The following SLC43A1 variants were observed in gnomAD, a reference collection of about 807,000 sequenced individuals.
SLC43A1 encodes the protein large neutral amino acids transporter small subunit 3.
In SLC43A1, 31 loss-of-function variants were observed where a neutral mutation model predicts 59.5. The ratio of observed to expected loss-of-function variants is 0.52; its 90% CI spans 0.39 to 0.70. The LOEUF (loss-of-function observed/expected upper bound fraction) is 0.70, where lower values mean the gene tolerates loss of function less well. Ranked by LOEUF, SLC43A1 falls within the 30% of genes least tolerant of loss-of-function variation. The probability of loss-of-function intolerance (pLI) is 0.00; values close to 1 mark genes in which losing one functional copy is unlikely to be tolerated. For synonymous variants in SLC43A1, 259 were observed against 290.9 expected (o/e 0.89, Z 1.12); for missense variants, 598 against 717.8 (o/e 0.83, Z 1.91).
At chr11:57,487,023 C>T (rs1490660154) in intron 14 of SLC43A1, 72 bp downstream of exon 14, 5 of 1,526,312 alleles carry the variant, frequency 3.3e-6, no homozygotes, top group Non-Finnish European at 4.5e-6. Context: ...AGGGATGGCA[C>T]CACATACAAG....
chr11:57,494,282 T>A, intron 7 of SLC43A1, 111 bp from the exon 8 acceptor site: 2 of 974,296 alleles, frequency 2.1e-6, no homozygotes. Context: ...TTACCCGGCA[T>A]TGACATGCTC....
intron 13 of SLC43A1, 40 bp downstream of exon 13, chr11:57,488,876 T>G: frequency 6.4e-7 from 1 of 1,559,460 alleles, no homozygotes; most frequent in Non-Finnish European, 8.8e-7. Context: ...CTGATCACGG[T>G]TGCAAAGCTC....
At chr11:57,502,970 G>T (rs1355187248) in intron 2 of SLC43A1, among the ~76,000 whole-genome samples, 1 of 152,052 alleles carries the variant, frequency 6.6e-6, no homozygotes, top group African/African-American at 2.4e-5. Flanking sequence ...ACTAGGGGGT[G>T]GTAGAGGACA....
In SLC43A1 at chr11:57,500,838, A is replaced by G. The variant is rs781541076; in HGVS notation, c.406T>C (p.Phe136Leu). Residue 136 changes from phenylalanine to leucine, a missense_variant, in exon 5 of 15, where the codon TTC (phenylalanine) becomes CTC (leucine). Coordinates refer to ENST00000278426, the MANE Select transcript of SLC43A1 (RefSeq NM_003627.6). The stretch of plus-strand genomic sequence containing the variant: ...AAGCCATTCAGGGACAGCGCCAGGA[A>G]TATCAACGGAGACAGAGCTGGAAAG... Reference protein sequence around the residue: ...RDVEALSPLIFLALSLNGFGG... With the variant: ...RDVEALSPLILLALSLNGFGG... The G allele has an allele frequency of 5.6e-6, 9 of 1,614,114 alleles. No individual in the cohort carries two copies. Among genetic ancestry groups the G allele is most frequent in the South Asian group, 4.4e-5 (4 of 91,092 alleles).
rs144729032 is a variant in SLC43A1, at chr11:57,500,845, C to T, written c.399G>A (p.Pro133=). ...LASRDVEALS[P]LIFLALSLNG... is the part of the protein sequence containing the mutation. ...TCAGGGACAGCGCCAGGAATATCAACGGAGACAGAGCTGGAAAGGGGAAAG... is the reference window on the plus strand; with the variant it reads ...TCAGGGACAGCGCCAGGAATATCAATGGAGACAGAGCTGGAAAGGGGAAAG... The change falls in exon 5 of 15, where the codon CCG becomes CCA. Residue 133 remains proline (P), a synonymous_variant. Coordinates refer to ENST00000278426, the MANE Select transcript of SLC43A1 (RefSeq NM_003627.6). The T allele has an allele frequency of 9.3e-6, 15 of 1,614,194 alleles. No homozygotes were observed. In the African/African-American group the frequency reaches 9.3e-5, roughly 10 times the overall value.
At chr11:57,513,332 T>C (rs2135234677) in intron 2 of SLC43A1, among the ~76,000 whole-genome samples, 1 of 152,284 alleles carries the variant, frequency 6.6e-6, no homozygotes, top group East Asian at 1.9e-4. Flanking sequence ...CAGAGGCAAG[T>C]CCTAGACACC....
intron 5 of SLC43A1, among the ~76,000 whole-genome samples, chr11:57,499,326 CAA>C (rs5792045): frequency 7.1e-6 from 1 of 141,750 alleles, no homozygotes; most frequent in Non-Finnish European, 1.5e-5. Context: ...TCCGTCTCAA[CAA>C]AAAAAAAAAA....
At chr11:57,491,098 G>A in intron 11 of SLC43A1, 126 bp downstream of exon 11, 2 of 1,186,770 alleles carry the variant, frequency 1.7e-6, no homozygotes, top group Non-Finnish European at 2.2e-6. Flanking sequence ...CTGTAAAATG[G>A]GGAGGTACCC....
At chr11:57,508,362 TC>T (rs1944444173) in intron 2 of SLC43A1, among the ~76,000 whole-genome samples, 2 of 152,190 alleles carry the variant, frequency 1.3e-5, no homozygotes, top group Admixed American at 1.3e-4. Context: ...TCTGCCTCTT[TC>T]CACACACTAT....
At chr11:57,494,212 C>T (rs761057792) in intron 7 of SLC43A1, 41 bp from the exon 8 acceptor site, 44 of 1,583,598 alleles carry the variant, frequency 2.8e-5, no homozygotes, top group Admixed American at 1.3e-4. Flanking sequence ...ACCAGTCACA[C>T]AGAGCCCACC....
rs1316417491 is a variant in SLC43A1 at position 57,501,189 on chromosome 11, C to T, written c.295G>A (p.Asp99Asn). The change falls in exon 3 of 15, where the codon GAC (aspartate) becomes AAC (asparagine). Residue 99 changes from aspartate (D) to asparagine (N), a missense_variant. Coordinates refer to ENST00000278426, the MANE Select transcript of SLC43A1 (RefSeq NM_003627.6). Reference protein sequence around the residue: ...ATTLPLGILMDRFGPRPVRLV... With the variant: ...ATTLPLGILMNRFGPRPVRLV... ...CGCACGGGTCGGGGGCCAAAGCGGTCCATGAGGATCCCCAGTGGCAGGGTG... is the reference window on the plus strand; with the variant it reads ...CGCACGGGTCGGGGGCCAAAGCGGTTCATGAGGATCCCCAGTGGCAGGGTG... The T allele has an allele frequency of 1.2e-6, 2 of 1,612,310 alleles. No homozygotes were observed. The highest frequency in any genetic ancestry group is 2.7e-5 in the African/African-American group (2 of 74,940).
chr11:57,500,940 T>A (rs1039823117), intron 4 of SLC43A1, 48 bp downstream of exon 4: 18 of 1,596,472 alleles, frequency 1.1e-5, no homozygotes, highest in Admixed American at 1.7e-5. Context: ...TCCGCCTTCA[T>A]CCCACCTATT....
Position 57,499,150 on chromosome 11 carries a change from C to A in SLC43A1, c.466-1305G>T, listed in dbSNP as rs367832485. Among the ~76,000 whole-genome samples the A allele has an allele frequency of 1.3e-5, 2 of 152,238 alleles. 1 individual carries two copies. Reference sequence around the variant, plus strand: ...CCAGCCTGAGCAACACGGTGAAACCCCGTCTCCACTAAAATACGAAAAAAT... The same window carrying A: ...CCAGCCTGAGCAACACGGTGAAACCACGTCTCCACTAAAATACGAAAAAAT... On this transcript the variant is annotated intron_variant, in intron 5 of 14. Transcript: ENST00000278426.
At chr11:57,510,328 G>GC (rs1944505344) in intron 2 of SLC43A1, among the ~76,000 whole-genome samples, 1 of 151,686 alleles carries the variant, frequency 6.6e-6, no homozygotes, top group African/African-American at 2.4e-5. Flanking sequence ...CGTGGTGGTG[G>GC]ACGCCTGTAA....
Position 57,485,083 on chromosome 11 carries a change from T to G in SLC43A1, c.*13A>C, listed in dbSNP as rs763426246. The G allele has an allele frequency of 1.2e-6, 2 of 1,603,432 alleles. No individual in the cohort carries two copies. The highest frequency in any genetic ancestry group is 2.2e-5 in the South Asian group (2 of 89,298). ...TTGATTGCCTGTCATCCAGGTCCCTTGGTCTGAGAAGTCTATGCGGTCACC... is the reference window on the plus strand; with the variant it reads ...TTGATTGCCTGTCATCCAGGTCCCTGGGTCTGAGAAGTCTATGCGGTCACC... On this transcript the variant is annotated 3_prime_UTR_variant, in exon 15 of 15. Coordinates refer to ENST00000278426, the MANE Select transcript of SLC43A1 (RefSeq NM_003627.6).
chr11:57,509,823 A>C (rs995662511), intron 2 of SLC43A1, among the ~76,000 whole-genome samples: 1 of 152,204 alleles, frequency 6.6e-6, no homozygotes, highest in African/African-American at 2.4e-5. Flanking sequence ...CCAAGATACA[A>C]GTGGCAAAAG....
At chr11:57,494,685 G>A (rs765624850) in intron 7 of SLC43A1, among the ~76,000 whole-genome samples, 5 of 152,138 alleles carry the variant, frequency 3.3e-5, no homozygotes, top group Admixed American at 6.5e-5. Flanking sequence ...AACTGACAGG[G>A]GGCTGGAAAA....
rs572104745 is a variant in SLC43A1, at chr11:57,514,703, G to C, written c.-13-579C>G. The stretch of plus-strand genomic sequence containing the variant: ...ACGACCCTACAGTCTCTCGGGCCAA[G>C]CCAACAGCTGCCACGTGGAGGGAGA... On this transcript the variant is annotated intron_variant, in intron 1 of 14. Transcript: ENST00000278426. This position sits in a 1 kb window ranked among gnomAD's most constrained non-coding sequence, Gnocchi z 5.5. The C allele has an allele frequency of 8.7e-5, 44 of 502,954 alleles. No homozygotes were observed. The highest frequency in any genetic ancestry group is 7.9e-4 in the African/African-American group (38 of 48,026). The allele number at this position is 502,954 out of a possible 1,614,324, so 31.2% of individuals were successfully genotyped here. A position where few individuals can be genotyped will look rare whatever the true frequency, so the allele number is the denominator to read the frequency against.
intron 2 of SLC43A1, among the ~76,000 whole-genome samples, chr11:57,509,546 C>G (rs1944472924): frequency 6.6e-6 from 1 of 150,428 alleles, no homozygotes; most frequent in Non-Finnish European, 1.5e-5. Context: ...CAAGATCGTG[C>G]CACTACACTC....
Sources: allele counts gnomAD v4.1 joint callset (sites outside exome capture counted in the v4.1 genomes callset), GRCh38; gene constraint gnomAD v4.1.1; non-coding constraint Gnocchi (gnomAD v3.1); transcripts MANE v1.5; gene names NCBI Gene and HGNC (gene_info 2026-07-23, HGNC 2026-07-21).